The following PLXNA3 variants were observed in gnomAD, a reference collection of about 807,000 sequenced individuals.
PLXNA3 encodes plexin A3.
Under a neutral mutation model 118.8 loss-of-function variants are expected in PLXNA3, and 52 were observed. The ratio of observed to expected loss-of-function variants is 0.44; its 90% CI spans 0.35 to 0.55. The LOEUF is 0.55. Ranked by LOEUF, PLXNA3 falls within the 20% of genes least tolerant of loss-of-function variation. The probability of loss-of-function intolerance (pLI) is 0.01; values close to 1 mark genes in which losing one functional copy is unlikely to be tolerated. For synonymous variants in PLXNA3, 925 were observed against 762.4 expected, an observed-to-expected ratio of 1.21 and a Z score of -3.51; for missense variants, 1,660 against 1,730.8, an observed-to-expected ratio of 0.96 and a Z score of 0.73.
chrX:154,465,312 C>CT (rs2069061068), intron 11 of PLXNA3, 94 bp downstream of exon 11: 10 of 1,037,718 alleles, frequency 9.6e-6, no homozygotes, highest in Admixed American at 4.5e-5. Context: ...AGGGAACTGT[C>CT]TGAGTCTCCT....
Position 154,465,485 on chromosome X carries a change from G to C in PLXNA3, c.2306G>C (p.Gly769Ala). ...CTGGACTTTTCCGTGGTCTGGGATG[G>C]AGACTTCCCCATAGACAAGCCTCCC... ...TELDFSVVWDGDFPIDKPPSF... is the reference protein window; with the variant it reads ...TELDFSVVWDADFPIDKPPSF... The change falls in exon 12 of 33, where the codon GGA (glycine) becomes GCA (alanine). Residue 769 changes from glycine to alanine, a missense_variant. This residue lies in a region of PLXNA3 where 869 missense variants were observed against 1,078.7 expected (regional missense o/e 0.81). Coordinates refer to ENST00000369682, the MANE Select transcript of PLXNA3 (RefSeq NM_017514.5). 1.7e-6 allele frequency: 2 copies of C among 1,208,696 alleles called. No individual in the cohort carries two copies. The highest frequency in any genetic ancestry group is 2.2e-6 in the Non-Finnish European group (2 of 892,555).
Position 154,471,180 on chromosome X carries a change from G to A in PLXNA3, c.5232G>A (p.Thr1744=), listed in dbSNP as rs782434703. 2.0e-5 allele frequency: 24 copies of A among 1,208,971 alleles called. No homozygotes were observed. Among genetic ancestry groups the A allele is most frequent in the East Asian group, 1.2e-4 (4 of 33,776 alleles). The change falls in exon 31 of 33, where the codon ACG becomes ACA. Residue 1744 remains threonine, a synonymous_variant. Transcript: ENST00000369682. ...TCGACATCCACAAGAACAGCATCACGGATGCCTGCCTGTCGGTGGTAGCCC... is the reference window on the plus strand; with the variant it reads ...TCGACATCCACAAGAACAGCATCACAGATGCCTGCCTGTCGGTGGTAGCCC... ...FVFDIHKNSI[T]DACLSVVAQT...
At position 154,469,488 on chromosome X, in the gene PLXNA3, G is replaced by A. The variant is rs782313295; in HGVS notation, c.4698+6G>A. On this transcript the variant is annotated splice_donor_region_variant and intron_variant, in intron 27 of 32. Coordinates refer to ENST00000369682, the MANE Select transcript of PLXNA3 (RefSeq NM_017514.5). Reference sequence around the variant, plus strand: ...ACTCACTGGCCCACTACCAGGTGAGGGGTTGGGGCCCATTCCTCCCCAGGG... The same window carrying A: ...ACTCACTGGCCCACTACCAGGTGAGAGGTTGGGGCCCATTCCTCCCCAGGG... The A allele has an allele frequency of 5.9e-6, 7 of 1,183,508 alleles. No individual in the cohort carries two copies. The highest frequency in any genetic ancestry group is 8.0e-6 in the Non-Finnish European group (7 of 870,525).
At position 154,464,460 on chromosome X, in the gene PLXNA3, C is replaced by A; in HGVS notation, c.1887C>A (p.Ala629=). The change falls in exon 9 of 33, where the codon GCC becomes GCA. Residue 629 remains alanine (A), a synonymous_variant. Transcript: ENST00000369682. ...CCAAGGAGACAGGCGTGAGGTTTGC[C>A]GGTGCTGACTTTGTCTTCTACAACT... is the stretch of plus-strand genomic sequence containing the variant. ...LLSKETGVRF[A]GADFVFYNCS... is the part of the protein sequence containing the mutation. 1 of 1,210,970 alleles carries A rather than the reference C, an allele frequency of 8.3e-7. No homozygotes were observed. Among genetic ancestry groups the A allele is most frequent in the Non-Finnish European group, 1.1e-6 (1 of 894,835 alleles).
Position 154,465,457 on chromosome X carries a change from G to A in PLXNA3, c.2278G>A (p.Glu760Lys), listed in dbSNP as rs146044604. The change falls in exon 12 of 33, where the codon GAG (glutamate) becomes AAG (lysine). Residue 760 changes from glutamate to lysine, a missense_variant. By Grantham distance (56) the Glu-to-Lys change is moderately conservative. Transcript: ENST00000369682. ...TGAAGGTGATGAGCATGGTGACACCGAGCTGGACTTTTCCGTGGTCTGGGA... is the reference window on the plus strand; with the variant it reads ...TGAAGGTGATGAGCATGGTGACACCAAGCTGGACTTTTCCGTGGTCTGGGA... ...SYEGDEHGDT[E>K]LDFSVVWDGD... is the part of the protein sequence containing the mutation. 2.8e-5 allele frequency: 34 copies of A among 1,206,540 alleles called. No individual in the cohort carries two copies. Among genetic ancestry groups the A allele is most frequent in the African/African-American group, 1.2e-4 (7 of 57,016 alleles).
chrX:154,462,665 C>T (rs782724219), intron 4 of PLXNA3, among the ~76,000 whole-genome samples: 110 of 111,949 alleles, frequency 9.8e-4, no homozygotes, highest in Admixed American at 1.5e-3. Flanking sequence ...ATGCCTTGCC[C>T]CTCAAGCCTC....
rs1557205055 is a variant in PLXNA3 at position 154,462,319 on chromosome X, C to T, written c.1317+9C>T. 1 of 1,136,018 alleles carries T rather than the reference C, an allele frequency of 8.8e-7. No homozygotes were observed. Among genetic ancestry groups the T allele is most frequent in the Admixed American group, 2.8e-5 (1 of 35,896 alleles). 93.6% of individuals were successfully genotyped at this position (1,136,018 alleles called of 1,213,427 possible). ...GCGGCAGCTTGAAGAAGGTGGCCCC[C>T]AGAGCCCTGGGCATGTGGGGGTGGG... is the stretch of plus-strand genomic sequence containing the variant. On this transcript the variant is annotated intron_variant, in intron 4 of 32. Transcript: ENST00000369682.
In PLXNA3 at chrX:154,474,752, C is replaced by T. The variant is rs1183995529; in HGVS notation, c.*2067C>T. On this transcript the variant is annotated 3_prime_UTR_variant, in exon 33 of 33. Transcript: ENST00000369682. ...TCAGCCTCCCAAAGTGCTGGGATTA[C>T]AGGCGTGAGCCACCATGCCTGACCT... is the stretch of plus-strand genomic sequence containing the variant. 2.2e-5 allele frequency: 2 copies of T among 91,879 alleles called. No homozygotes were observed. Among genetic ancestry groups the T allele is most frequent in the Admixed American group, 1.3e-4 (1 of 7,458 alleles). The allele number at this position is 91,879 out of a possible 1,213,427, so 7.6% of individuals were successfully genotyped here. A position where few individuals can be genotyped will look rare whatever the true frequency, so the allele number is the denominator to read the frequency against.
At chrX:154,461,912 C>T (rs1442163747) in intron 3 of PLXNA3, among the ~76,000 whole-genome samples, 1 of 112,184 alleles carries the variant, frequency 8.9e-6, no homozygotes, top group Non-Finnish European at 1.9e-5. Context: ...CAACAAGAGT[C>T]TTGTGGGCCC....
rs201403408 is a variant in PLXNA3 at position 154,461,233 on chromosome X, G to T, written c.729G>T (p.Leu243=). 304 of 1,211,733 alleles carry T rather than the reference G, an allele frequency of 2.5e-4. No homozygotes were observed. Among genetic ancestry groups the T allele is most frequent in the Non-Finnish European group, 1.2e-4 (110 of 895,389 alleles). ...TCGTGTACTTCCTGACGCTGCAGCT[G>T]GACACCCAGCAGACGCTGTTGGACA... ...ASFVYFLTLQ[L]DTQQTLLDTA... Residue 243 remains leucine (L), a synonymous_variant, in exon 3 of 33, where the codon CTG becomes CTT. Transcript: ENST00000369682.
At position 154,466,726 on chromosome X, in the gene PLXNA3, G is replaced by A. The variant is rs1557207273; in HGVS notation, c.3040G>A (p.Gly1014Arg). The A allele has an allele frequency of 5.0e-6, 6 of 1,195,895 alleles. No homozygotes were observed. Among genetic ancestry groups the A allele is most frequent in the South Asian group, 1.8e-5 (1 of 54,675 alleles). The change falls in exon 17 of 33, where the codon GGG becomes AGG. Residue 1014 changes from glycine (G) to arginine (R), a missense_variant. By Grantham distance (125) the Gly-to-Arg change is moderately radical (BLOSUM62 -2). Around this residue, in one of 2 missense-constraint regions of PLXNA3, gnomAD observed 869 missense variants for 1,078.7 expected, o/e 0.81. Coordinates refer to ENST00000369682, the MANE Select transcript of PLXNA3 (RefSeq NM_017514.5). ...AIDRANISSPGLIYTYTQDPT... is the reference protein window; with the variant it reads ...AIDRANISSPRLIYTYTQDPT... ...TGACCGGGCTAACATCTCCAGCCCC[G>A]GGCTCATCTACACCTACACTCAGGA...
rs1303253994 is a variant in PLXNA3 at position 154,460,177 on chromosome X, G to A, written c.-7G>A. ...CCTAGGCCTGTCCCCAGGCGCGGCT[G>A]CCGGCCATGCCCTCTGTCTGCCTCC... is the stretch of plus-strand genomic sequence containing the variant. On this transcript the variant is annotated 5_prime_UTR_variant, in exon 2 of 33. Transcript: ENST00000369682. 4 of 1,176,304 alleles carry A rather than the reference G, an allele frequency of 3.4e-6. No individual in the cohort carries two copies. In the African/African-American group the frequency reaches 7.0e-5, roughly 21 times the overall value.
intron 9 of PLXNA3, 123 bp downstream of exon 9, chrX:154,464,624 C>T: frequency 1.4e-6 from 1 of 699,693 alleles, no homozygotes; most frequent in Non-Finnish European, 2.2e-6. Flanking sequence ...CTGATAGCCC[C>T]TGACATCCCC....
chrX:154,467,503 G>GGGGGGGGGGGGGGC, intron 19 of PLXNA3, 32 bp downstream of exon 19: 1 of 919,284 alleles, frequency 1.1e-6, no homozygotes, highest in Non-Finnish European at 1.5e-6. Context: ...GGAGGGGCGG[G>GGGGGGGGGGGGGGC]AAAGTGGAGA....
chrX:154,466,865 G>A (rs782733412), intron 17 of PLXNA3, 72 bp downstream of exon 17: 23 of 1,002,460 alleles, frequency 2.3e-5, no homozygotes, highest in South Asian at 4.7e-5. Context: ...TCTGAGCTCC[G>A]GTGGGGCCCC....
At chrX:154,471,445 T>C in intron 31 of PLXNA3, 43 bp from the exon 32 acceptor site, 1 of 1,178,843 alleles carries the variant, frequency 8.5e-7, no homozygotes, top group Admixed American at 2.3e-5. Context: ...GGGGTTCTAG[T>C]TTTTGTGATG....
Position 154,477,523 on chromosome X carries a change from G to A in PLXNA3, c.*4838G>A. On this transcript the variant is annotated 3_prime_UTR_variant, in exon 33 of 33. Coordinates refer to ENST00000369682, the MANE Select transcript of PLXNA3 (RefSeq NM_017514.5). ...TTAACACTAAACTTGCAAATATTATGTGGTGTATATTACAGTTACACATTT... is the reference window on the plus strand; with the variant it reads ...TTAACACTAAACTTGCAAATATTATATGGTGTATATTACAGTTACACATTT... 8.2e-6 allele frequency: 1 copy of A among 121,275 alleles called. No homozygotes were observed. The highest frequency in any genetic ancestry group is 3.1e-4 in the South Asian group (1 of 3,189). 10.0% of individuals were successfully genotyped at this position (121,275 alleles called of 1,213,427 possible).
rs782538893 is a variant in PLXNA3, at chrX:154,465,406, T to C, written c.2245-18T>C. On this transcript the variant is annotated intron_variant, in intron 11 of 32. Transcript: ENST00000369682. Reference sequence around the variant, plus strand: ...TCTGCACATCTTATCTGGGGTCCCATGGGTTCCTTTCCTCCAGTACTCCTA... The same window carrying C: ...TCTGCACATCTTATCTGGGGTCCCACGGGTTCCTTTCCTCCAGTACTCCTA... 2.6e-6 allele frequency: 3 copies of C among 1,171,642 alleles called. No homozygotes were observed. In the South Asian group the frequency reaches 5.4e-5, roughly 21 times the overall value.
At position 154,460,775 on chromosome X, in the gene PLXNA3, C is replaced by G; in HGVS notation, c.592C>G (p.Leu198Val). ...TGAAGACAGCGCGGACATGTTCAGTCTCGTGCGTGAGCCTTCCTTCTCTTC... is the reference window on the plus strand; with the variant it reads ...TGAAGACAGCGCGGACATGTTCAGTGTCGTGCGTGAGCCTTCCTTCTCTTC... ...SDEDSADMFS[L>V]VYQDEFVSSQ... The change falls in exon 2 of 33, where the codon CTC becomes GTC. Residue 198 changes from leucine to valine, a missense_variant and splice_region_variant. By Grantham distance (32) the Leu-to-Val change is conservative. Around this residue, in one of 2 missense-constraint regions of PLXNA3, gnomAD observed 791 missense variants for 652.1 expected, o/e 1.21. Coordinates refer to ENST00000369682, the MANE Select transcript of PLXNA3 (RefSeq NM_017514.5). 8.2e-6 allele frequency: 9 copies of G among 1,095,972 alleles called. No homozygotes were observed. The highest frequency in any genetic ancestry group is 1.1e-5 in the Non-Finnish European group (9 of 833,234). The allele number at this position is 1,095,972 out of a possible 1,213,427, so 90.3% of individuals were successfully genotyped here. A position where few individuals can be genotyped will look rare whatever the true frequency, so the allele number is the denominator to read the frequency against.
Sources: gnomAD v4.1 joint callset for allele counts (sites outside exome capture counted in the v4.1 genomes callset) on GRCh38, gnomAD v4.1.1 for gene constraint, gnomAD v4.1.1 regional missense constraint, MANE v1.5 for transcripts, NCBI Gene and HGNC (gene_info 2026-07-23, HGNC 2026-07-21) for gene names.